The following PCDHGB7 variants were observed in gnomAD, a reference collection of about 807,000 sequenced individuals.
PCDHGB7 encodes the protein protocadherin gamma subfamily B, 7, also known as protocadherin gamma-B7.
Under a neutral mutation model 61.4 loss-of-function variants are expected in PCDHGB7, and 37 were observed. The observed-to-expected ratio is 0.60, with a 90% CI of 0.46 to 0.79. PCDHGB7 has a LOEUF of 0.79. Ranked by LOEUF, PCDHGB7 falls within the 30% of genes least tolerant of loss-of-function variation. The pLI, the probability that PCDHGB7 is intolerant of heterozygous loss-of-function variation, is 0.00. For missense variants in PCDHGB7, 1,166 were observed against 1,202.5 expected (o/e 0.97, Z 0.45); for synonymous variants, 464 against 503.5 (o/e 0.92, Z 1.05).
At position 141,486,804 on chromosome 5, in the gene PCDHGB7, C is replaced by G. The variant is rs755001457; in HGVS notation, c.2416-8003C>G. On this transcript the variant is annotated intron_variant, in intron 1 of 3. Transcript: ENST00000398594. This position sits in a 1 kb window ranked among gnomAD's most constrained non-coding sequence, Gnocchi z 5.0. ...CAGGCCCGGGATCGGGGCAACCCAC[C>G]CCTTAGCAGCACTGTAACAGTTCGT... 2 of 1,614,232 alleles carry G rather than the reference C, an allele frequency of 1.2e-6. No homozygotes were observed. The highest frequency in any genetic ancestry group is 3.3e-5 in the Admixed American group (2 of 60,032).
chr5:141,422,727 G>A, intron 1 of PCDHGB7: 6 of 1,606,552 alleles, frequency 3.7e-6, no homozygotes, highest in Non-Finnish European at 5.1e-6. Flanking sequence ...TCCAGGGGGT[G>A]CCTCTGTCCT....
intron 1 of PCDHGB7, chr5:141,427,240 C>G (rs1447231420): frequency 1.3e-5 from 6 of 456,536 alleles, no homozygotes; most frequent in Non-Finnish European, 2.6e-5. Context: ...AGAGTAGAAG[C>G]TAAGGATGGT....
intron 1 of PCDHGB7, chr5:141,422,758 A>AAC (rs748292321): frequency 6.2e-7 from 1 of 1,613,150 alleles, no homozygotes. Flanking sequence ...TATTAACTCC[A>AAC]ACACTGGTGT....
In PCDHGB7 at chr5:141,486,858, C is replaced by T. The variant is rs2099636039; in HGVS notation, c.2416-7949C>T. The T allele has an allele frequency of 2.5e-6, 4 of 1,614,246 alleles. No homozygotes were observed. The highest frequency in any genetic ancestry group is 1.1e-5 in the South Asian group (1 of 91,088). On this transcript the variant is annotated intron_variant, in intron 1 of 3. Transcript: ENST00000398594. The surrounding 1 kb of genome is among the most constrained non-coding windows in gnomAD (Gnocchi z 5.0). ...TTTGTGCTGGACCTCAATGACAATGCTCCAGCTGTGCTCCGTCCTCGGGCC... is the reference window on the plus strand; with the variant it reads ...TTTGTGCTGGACCTCAATGACAATGTTCCAGCTGTGCTCCGTCCTCGGGCC...
intron 1 of PCDHGB7, among the ~76,000 whole-genome samples, chr5:141,451,804 C>G (rs914303400): frequency 9.2e-5 from 14 of 151,946 alleles, no homozygotes; most frequent in African/African-American, 3.4e-4. Context: ...TTGCTTGAAC[C>G]CAGGAGGCGG....
rs546494803 is a variant in PCDHGB7 at position 141,425,207 on chromosome 5, G to C, written c.2415+4933G>C. Among the ~76,000 whole-genome samples, 7 of 152,120 alleles carry C rather than the reference G, an allele frequency of 4.6e-5. No homozygotes were observed. In the East Asian group the frequency reaches 1.2e-3, roughly 25 times the overall value. ...TCCAAACTGAGAAAAATGATGTAAG[G>C]CATTGTACTTTGACTGGAATTAGTT... On this transcript the variant is annotated intron_variant, in intron 1 of 3. Transcript: ENST00000398594.
At chr5:141,506,787 G>A (rs55775963) in intron 3 of PCDHGB7, among the ~76,000 whole-genome samples, 1,925 of 152,270 alleles carry the variant, frequency 0.013, 43 homozygotes, top group African/African-American at 0.044. Flanking sequence ...CTTATAAGGA[G>A]GCTGGCAGAG....
intron 1 of PCDHGB7, chr5:141,468,667 CCATCCTGGCTAA>C (rs2099172391): frequency 6.7e-6 from 1 of 149,836 alleles, no homozygotes; most frequent in African/African-American, 2.5e-5. Flanking sequence ...GAGATCAAGA[CCATCCTGGCTAA>C]CACGGTGAAA....
intron 1 of PCDHGB7, chr5:141,422,585 T>C (rs1193597044): frequency 1.2e-6 from 2 of 1,613,930 alleles, no homozygotes; most frequent in African/African-American, 2.7e-5. Context: ...CCTCCCGTTT[T>C]TCCTCACTCC....
intron 1 of PCDHGB7, among the ~76,000 whole-genome samples, chr5:141,473,090 T>C (rs1426311051): frequency 3.9e-5 from 6 of 152,064 alleles, no homozygotes; most frequent in African/African-American, 1.4e-4. Context: ...TTATCCACTG[T>C]GAGTTGTATT....
Position 141,476,642 on chromosome 5 carries a change from C to G in PCDHGB7, c.2416-18165C>G. 6.2e-7 allele frequency: 1 copy of G among 1,614,240 alleles called. No homozygotes were observed. The highest frequency in any genetic ancestry group is 8.5e-7 in the Non-Finnish European group (1 of 1,180,050). ...CTCTTTACAAACCTATGAGCTGAGC[C>G]GAAATGAATACTTTGCGCTTCGCGT... On this transcript the variant is annotated intron_variant, in intron 1 of 3. Transcript: ENST00000398594. This position sits in a 1 kb window ranked among gnomAD's most constrained non-coding sequence, Gnocchi z 7.6.
At chr5:141,463,418 C>A (rs1442067485) in intron 1 of PCDHGB7, among the ~76,000 whole-genome samples, 3 of 138,240 alleles carry the variant, frequency 2.2e-5, no homozygotes, top group Admixed American at 7.4e-5. Context: ...TCCTAGTTTG[C>A]GGATCCTCAT....
In PCDHGB7 at chr5:141,418,572, A is replaced by G. The variant is rs777784393; in HGVS notation, c.713A>G (p.Asn238Ser). ...IRILVIDAND[N>S]PPVFSQDVYR... ...ATCCTGGTAATAGATGCCAATGACA[A>G]CCCCCCAGTGTTCAGCCAGGACGTG... The change falls in exon 1 of 4, where the codon AAC becomes AGC. Residue 238 changes from asparagine to serine, a missense_variant. Asn to Ser is a conservative substitution (Grantham distance 46). Coordinates refer to ENST00000398594, the MANE Select transcript of PCDHGB7 (RefSeq NM_018927.4). 5 of 1,613,794 alleles carry G rather than the reference A, an allele frequency of 3.1e-6. No homozygotes were observed. The highest frequency in any genetic ancestry group is 4.2e-6 in the Non-Finnish European group (5 of 1,179,862).
intron 1 of PCDHGB7, chr5:141,478,866 C>G: frequency 7.7e-7 from 1 of 1,304,352 alleles, no homozygotes; most frequent in East Asian, 2.5e-5. Context: ...TCTCAGCGAT[C>G]AGAGTTTAGC....
In PCDHGB7 at chr5:141,476,235, A is replaced by G; in HGVS notation, c.2416-18572A>G. ...GTCATTCACTATGAGATCCCGGAGG[A>G]AAGAGAGAAGGGTTTCGCTGTGGGC... is the stretch of plus-strand genomic sequence containing the variant. On this transcript the variant is annotated intron_variant, in intron 1 of 3. Coordinates refer to ENST00000398594, the MANE Select transcript of PCDHGB7 (RefSeq NM_018927.4). The surrounding 1 kb of genome is among the most constrained non-coding windows in gnomAD (Gnocchi z 7.6). 2 of 1,613,844 alleles carry G rather than the reference A, an allele frequency of 1.2e-6. No homozygotes were observed. Among genetic ancestry groups the G allele is most frequent in the Admixed American group, 1.7e-5 (1 of 59,990 alleles).
chr5:141,474,105 C>A (rs1292743515), intron 1 of PCDHGB7, among the ~76,000 whole-genome samples: 1 of 152,036 alleles, frequency 6.6e-6, no homozygotes, highest in African/African-American at 2.4e-5. Flanking sequence ...ACAACAAAAA[C>A]AACAACAACG....
chr5:141,490,890 G>C lies in PCDHGB7; in HGVS notation c.2416-3917G>C, dbSNP rs751713801. The C allele has an allele frequency of 9.9e-6, 16 of 1,613,306 alleles. No homozygotes were observed. The South Asian group carries it at 1.2e-4, about 12-fold the overall frequency. On this transcript the variant is annotated intron_variant, in intron 1 of 3. Transcript: ENST00000398594. This position sits in a 1 kb window ranked among gnomAD's most constrained non-coding sequence, Gnocchi z 5.4. ...CCCCATTGCATGCCAACACATCTCT[G>C]CATGTGTTTGTCCTAGACGAGAATG...
intron 1 of PCDHGB7, chr5:141,478,942 C>G: frequency 1.7e-6 from 1 of 579,218 alleles, no homozygotes; most frequent in Non-Finnish European, 2.9e-6. Context: ...TCTAGGAATA[C>G]AAAAACTACC....
At chr5:141,424,698 T>G (rs1214214315) in intron 1 of PCDHGB7, 1 of 152,228 alleles carries the variant, frequency 6.6e-6, no homozygotes, top group Non-Finnish European at 1.5e-5. Context: ...GCTATTTTTT[T>G]GTTCATTTTC....
Sources: gnomAD v4.1 joint callset for allele counts (sites outside exome capture counted in the v4.1 genomes callset) on GRCh38, gnomAD v4.1.1 for gene constraint, Gnocchi (gnomAD v3.1) non-coding constraint, MANE v1.5 for transcripts, NCBI Gene and HGNC (gene_info 2026-07-23, HGNC 2026-07-21) for gene names.